HS1BP3: variants seen among roughly 807,000 people sequenced by gnomAD.
The protein encoded by HS1BP3 is HCLS1 binding protein 3.
A neutral mutation model predicts 33.5 loss-of-function variants in HS1BP3; 32 were observed. That is an observed-to-expected ratio of 0.95 (90% CI 0.72 to 1.28). HS1BP3 has a LOEUF of 1.28. HS1BP3 is among the 50% of genes most tolerant of loss of function. HS1BP3 has a pLI of 0.00. For synonymous variants in HS1BP3, 187 were observed against 209.2 expected, an observed-to-expected ratio of 0.89 and a Z score of 0.92; for missense variants, 486 against 502.3, an observed-to-expected ratio of 0.97 and a Z score of 0.31.
chr2:20,559,310 G>A (rs1692916946), downstream of HS1BP3, among the ~76,000 whole-genome samples: 2 of 152,254 alleles, frequency 1.3e-5, no homozygotes, highest in Admixed American at 1.3e-4. Context: ...CATGAGGCCC[G>A]ATCTGACTCC....
intron 4 of HS1BP3, among the ~76,000 whole-genome samples, chr2:20,628,765 G>T (rs763566609): frequency 6.6e-6 from 1 of 152,228 alleles, no homozygotes; most frequent in Non-Finnish European, 1.5e-5. Flanking sequence ...TGTGGAGACA[G>T]GAAGTGAACT....
At chr2:20,642,354 G>A (rs1572362197) in intron 2 of HS1BP3, among the ~76,000 whole-genome samples, 1 of 41,750 alleles carries the variant, frequency 2.4e-5, no homozygotes, top group African/African-American at 7.2e-5. Context: ...AAGATACCAG[G>A]AGGCAGCTGG....
intron 5 of HS1BP3, among the ~76,000 whole-genome samples, chr2:20,567,519 G>A (rs1428283512): frequency 3.0e-5 from 3 of 99,022 alleles, no homozygotes; most frequent in Non-Finnish European, 4.1e-5. Flanking sequence ...AGGAAGGCAT[G>A]TGGTGCTGGC....
At chr2:20,643,063 C>A (rs750147375) in intron 2 of HS1BP3, among the ~76,000 whole-genome samples, 6 of 152,218 alleles carry the variant, frequency 3.9e-5, no homozygotes, top group Middle Eastern at 3.2e-3. Context: ...TGAGTTAATT[C>A]ATGAAACATC....
intron 5 of HS1BP3, among the ~76,000 whole-genome samples, chr2:20,564,518 T>C (rs561416776): frequency 5.9e-5 from 9 of 152,288 alleles, no homozygotes; most frequent in Middle Eastern, 3.4e-3. Context: ...GGAGTTTCAC[T>C]TGTCCCCCAG....
chr2:20,612,293 A>G (rs1572332439), intron 2 of HS1BP3, among the ~76,000 whole-genome samples: 2 of 152,290 alleles, frequency 1.3e-5, no homozygotes, highest in East Asian at 3.9e-4. Flanking sequence ...TCTTTTTCCA[A>G]TCATTAAATT....
At chr2:20,597,926 G>C (rs927131080) in intron 3 of HS1BP3, among the ~76,000 whole-genome samples, 2 of 152,036 alleles carry the variant, frequency 1.3e-5, no homozygotes, top group African/African-American at 4.8e-5. Flanking sequence ...CCTCCTTATC[G>C]AAGACTCCCT....
chr2:20,560,460 G>C (rs1021108568), exon 6 of HS1BP3: 1 of 152,350 alleles, frequency 6.6e-6, no homozygotes, highest in South Asian at 2.1e-4. Flanking sequence ...GGAATCCGTG[G>C]GGAGGTGAGG....
At chr2:20,647,240 C>T (rs970363653) in intron 1 of HS1BP3, among the ~76,000 whole-genome samples, 10 of 152,202 alleles carry the variant, frequency 6.6e-5, no homozygotes, top group African/African-American at 2.4e-4. Flanking sequence ...AACCCCACCC[C>T]TTTTCCAGGG....
intron 3 of HS1BP3, 33 bp from the exon 4 acceptor site, chr2:20,638,685 T>C: frequency 1.9e-6 from 3 of 1,563,294 alleles, no homozygotes; most frequent in Non-Finnish European, 1.8e-6. Flanking sequence ...ATGGACTTGG[T>C]AACCACCCCA....
At position 20,583,030 on chromosome 2, in the gene HS1BP3, C is replaced by G. The variant is rs185219492; in HGVS notation, c.303-22515G>C. Among the ~76,000 whole-genome samples the G allele has an allele frequency of 1.7e-3, 266 of 152,280 alleles. 1 individual carries two copies. Among genetic ancestry groups the G allele is most frequent in the African/African-American group, 5.7e-3 (235 of 41,562 alleles). On this transcript the variant is annotated intron_variant, in intron 5 of 5. Coordinates refer to the HS1BP3 transcript ENST00000446825. ...CCTGCTACTCAGCCTAACCTGAGAG[C>G]CCAAGCCCACCCTCCACCCAGAACC...
At chr2:20,631,694 C>T (rs747745942) in intron 4 of HS1BP3, among the ~76,000 whole-genome samples, 1 of 152,030 alleles carries the variant, frequency 6.6e-6, no homozygotes, top group Non-Finnish European at 1.5e-5. Flanking sequence ...GACTCAGTGA[C>T]AATCCCACCT....
intron 5 of HS1BP3, among the ~76,000 whole-genome samples, chr2:20,564,232 T>C (rs1693070270): frequency 6.6e-6 from 1 of 152,210 alleles, no homozygotes; most frequent in Non-Finnish European, 1.5e-5. Context: ...AGTCCCAGCT[T>C]GGGCTCCCAT....
chr2:20,588,284 A>G (rs1397617280), downstream of HS1BP3, among the ~76,000 whole-genome samples: 1 of 152,216 alleles, frequency 6.6e-6, no homozygotes, highest in Non-Finnish European at 1.5e-5. Context: ...GAAATAATAT[A>G]CATGCTTTTA....
chr2:20,628,180 G>A (rs542903161), intron 4 of HS1BP3, among the ~76,000 whole-genome samples: 169 of 152,182 alleles, frequency 1.1e-3, no homozygotes, highest in Admixed American at 3.2e-3. Context: ...CTTTGATGGC[G>A]AGCACTCACT....
At chr2:20,565,870 G>A (rs1004238819) in intron 5 of HS1BP3, among the ~76,000 whole-genome samples, 1 of 152,234 alleles carries the variant, frequency 6.6e-6, no homozygotes, top group Non-Finnish European at 1.5e-5. Flanking sequence ...GTAGAGTCAG[G>A]GCTGGAACTG....
intron 2 of HS1BP3, 66 bp downstream of exon 2, chr2:20,645,274 C>T: frequency 6.6e-7 from 1 of 1,518,258 alleles, no homozygotes; most frequent in Admixed American, 1.8e-5. Flanking sequence ...CCCTGGTGGG[C>T]AGATGTGTCT....
intron 5 of HS1BP3, among the ~76,000 whole-genome samples, chr2:20,571,806 G>T (rs1292069417): frequency 6.6e-6 from 1 of 152,234 alleles, no homozygotes; most frequent in African/African-American, 2.4e-5. Flanking sequence ...CACTTCACGA[G>T]CTCGAAGTAG....
At chr2:20,567,590 T>C (rs1693165820) in intron 5 of HS1BP3, among the ~76,000 whole-genome samples, 1 of 151,658 alleles carries the variant, frequency 6.6e-6, no homozygotes, top group East Asian at 1.9e-4. Flanking sequence ...AAGACCTACT[T>C]CCCCCCCAGA....
Sources: gnomAD v4.1 joint callset for allele counts (sites outside exome capture counted in the v4.1 genomes callset) on GRCh38, gnomAD v4.1.1 for gene constraint, MANE v1.5 for transcripts, NCBI Gene and HGNC (gene_info 2026-07-23, HGNC 2026-07-21) for gene names.